Variants in CARD19 observed in about 807,000 individuals in gnomAD.
CARD19 encodes the protein caspase recruitment domain-containing protein 19.
Under a neutral mutation model 24.1 loss-of-function variants are expected in CARD19, and 25 were observed. The ratio of observed to expected loss-of-function variants is 1.04; its 90% CI spans 0.76 to 1.45. The LOEUF (loss-of-function observed/expected upper bound fraction) is 1.45, where lower values mean the gene tolerates loss of function less well. Among genes scored for constraint, CARD19 ranks in the 40% most tolerant of loss-of-function variants. CARD19 has a pLI of 0.00. For missense variants in CARD19, 241 were observed against 247.4 expected (o/e 0.97, Z 0.17); for synonymous variants, 103 against 104.9 (o/e 0.98, Z 0.11).
At chr9:93,101,644 T>C (rs1317978384) in intron 1 of CARD19, among the ~76,000 whole-genome samples, 1 of 151,260 alleles carries the variant, frequency 6.6e-6, no homozygotes, top group Non-Finnish European at 1.5e-5. Flanking sequence ...TTCACCATGT[T>C]AGTCAGGATG....
In CARD19 at chr9:93,107,672, A is replaced by C; in HGVS notation, c.8-2A>C. On this transcript the variant is annotated splice_acceptor_variant, in intron 1 of 5. Coordinates refer to ENST00000375464, the MANE Select transcript of CARD19 (RefSeq NM_032310.5). LOFTEE classifies it high-confidence loss of function. ...CTCATGACCCTGTGCTATCTGTTTT[A>C]GATCAGACCTATTGTGACCGCCTGG... 2 of 1,614,190 alleles carry C rather than the reference A, an allele frequency of 1.2e-6. No homozygotes were observed. Among genetic ancestry groups the C allele is most frequent in the Non-Finnish European group, 1.7e-6 (2 of 1,180,036 alleles).
rs939129559 is a variant in CARD19, at chr9:93,098,075, C to T, written c.7+1723C>T. 2.0e-5 allele frequency among the ~76,000 whole-genome samples: 3 copies of T among 152,242 alleles called. No homozygotes were observed. The East Asian group carries it at 5.8e-4, about 29-fold the overall frequency. ...CGCATGTGAGCCAGTGCCTGCAGAACGCTGAGGAGGTGTCTGCGTGGGGCA... is the reference window on the plus strand; with the variant it reads ...CGCATGTGAGCCAGTGCCTGCAGAATGCTGAGGAGGTGTCTGCGTGGGGCA... On this transcript the variant is annotated intron_variant, in intron 1 of 5. Transcript: ENST00000375464.
At position 93,096,231 on chromosome 9, in the gene CARD19, G is replaced by A. The variant is rs1270072744; in HGVS notation, c.-115G>A. 3.6e-6 allele frequency: 4 copies of A among 1,118,958 alleles called. No individual in the cohort carries two copies. The African/African-American group carries it at 4.9e-5, about 14-fold the overall frequency. 69.3% of individuals were successfully genotyped at this position (1,118,958 alleles called of 1,614,324 possible). A position where few individuals can be genotyped will look rare whatever the true frequency, so the allele number is the denominator to read the frequency against. On this transcript the variant is annotated 5_prime_UTR_variant, in exon 1 of 6. Coordinates refer to ENST00000375464, the MANE Select transcript of CARD19 (RefSeq NM_032310.5). The surrounding 1 kb of genome is among the most constrained non-coding windows in gnomAD (Gnocchi z 5.4). Reference sequence around the variant, plus strand: ...GCTGGCCTAGCCAAAAGGGGCGGGCGAGCACGGCCCGCGGGCGGCGTTCGC... The same window carrying A: ...GCTGGCCTAGCCAAAAGGGGCGGGCAAGCACGGCCCGCGGGCGGCGTTCGC...
Position 93,111,948 on chromosome 9 carries a change from C to A in CARD19, c.364+10C>A. On this transcript the variant is annotated intron_variant, in intron 4 of 5. Transcript: ENST00000375464. ...GAGCTGAGTAACAGGGGTAACACCT[C>A]CCTGCTGCCCCTCCCTCTCTCTCCC... The A allele has an allele frequency of 6.2e-7, 1 of 1,608,536 alleles. No individual in the cohort carries two copies. Among genetic ancestry groups the A allele is most frequent in the Non-Finnish European group, 8.5e-7 (1 of 1,178,384 alleles).
At position 93,113,127 on chromosome 9, in the gene CARD19, C is replaced by T. The variant is rs560244038; in HGVS notation, c.*20C>T. The T allele has an allele frequency of 2.7e-6, 4 of 1,497,862 alleles. No homozygotes were observed. The African/African-American group carries it at 5.6e-5, about 21-fold the overall frequency. 92.8% of individuals were successfully genotyped at this position (1,497,862 alleles called of 1,614,324 possible). On this transcript the variant is annotated 3_prime_UTR_variant, in exon 6 of 6. Coordinates refer to ENST00000375464, the MANE Select transcript of CARD19 (RefSeq NM_032310.5). ...CTCTGACAGACCCTGGACCCAGGGC[C>T]TCACCTGCCACTCAACCAAAGAGTC...
chr9:93,112,885 ACCCTGTC>A, intron 5 of CARD19, 100 bp from the exon 6 acceptor site: 1 of 684,464 alleles, frequency 1.5e-6, no homozygotes, highest in Non-Finnish European at 2.5e-6. Flanking sequence ...GGGAGGGAGC[ACCCTGTC>A]CCAGTGCCTG....
chr9:93,107,288 G>A (rs1250674411), intron 1 of CARD19, among the ~76,000 whole-genome samples: 1 of 152,224 alleles, frequency 6.6e-6, no homozygotes, highest in Non-Finnish European at 1.5e-5. Flanking sequence ...GAGCCACCGT[G>A]CCTGGCCCTG....
At chr9:93,098,438 G>C (rs1397489107) in intron 1 of CARD19, among the ~76,000 whole-genome samples, 3 of 152,218 alleles carry the variant, frequency 2.0e-5, no homozygotes, top group Non-Finnish European at 1.5e-5. Flanking sequence ...GGGCTGATAA[G>C]AAGGTTCATA....
intron 3 of CARD19, chr9:93,110,975 C>A (rs1206250836): frequency 1.3e-6 from 2 of 1,513,466 alleles, no homozygotes; most frequent in Non-Finnish European, 1.8e-6. Flanking sequence ...TCTCTCATGG[C>A]AGTTTTCACA....
At position 93,111,394 on chromosome 9, in the gene CARD19, T is replaced by C. The variant is rs1172609145; in HGVS notation, c.305-485T>C. The C allele has an allele frequency of 3.3e-5, 36 of 1,092,092 alleles. 1 individual carries two copies. The Admixed American group carries it at 1.5e-3, about 45-fold the overall frequency. 67.7% of individuals were successfully genotyped at this position (1,092,092 alleles called of 1,614,324 possible). A position where few individuals can be genotyped will look rare whatever the true frequency, so the allele number is the denominator to read the frequency against. On this transcript the variant is annotated intron_variant, in intron 3 of 5. Coordinates refer to ENST00000375464, the MANE Select transcript of CARD19 (RefSeq NM_032310.5). Reference sequence around the variant, plus strand: ...TGCTCAGGGCCCCTGGAGGAGGGGCTACTGCCCCTTGGCCCTTAGACAACA... The same window carrying C: ...TGCTCAGGGCCCCTGGAGGAGGGGCCACTGCCCCTTGGCCCTTAGACAACA...
chr9:93,102,097 G>T (rs1827106362), intron 1 of CARD19, among the ~76,000 whole-genome samples: 2 of 152,026 alleles, frequency 1.3e-5, no homozygotes, highest in Non-Finnish European at 2.9e-5. Context: ...AAGTAGTTGG[G>T]ATTACAGGCA....
In CARD19 at chr9:93,113,131, C is replaced by G. The variant is rs1271963480; in HGVS notation, c.*24C>G. The G allele has an allele frequency of 2.0e-6, 3 of 1,486,992 alleles. No homozygotes were observed. Among genetic ancestry groups the G allele is most frequent in the Admixed American group, 2.1e-5 (1 of 48,140 alleles). 92.1% of individuals were successfully genotyped at this position (1,486,992 alleles called of 1,614,324 possible). On this transcript the variant is annotated 3_prime_UTR_variant, in exon 6 of 6. Transcript: ENST00000375464. ...GACAGACCCTGGACCCAGGGCCTCA[C>G]CTGCCACTCAACCAAAGAGTCCTCG...
rs1826875000 is a variant in CARD19, at chr9:93,096,673, C to T, written c.7+321C>T. 6.6e-6 allele frequency among the ~76,000 whole-genome samples: 1 copy of T among 152,204 alleles called. No individual in the cohort carries two copies. Among genetic ancestry groups the T allele is most frequent in the South Asian group, 2.1e-4 (1 of 4,834 alleles). On this transcript the variant is annotated intron_variant, in intron 1 of 5. Transcript: ENST00000375464. The surrounding 1 kb of genome is among the most constrained non-coding windows in gnomAD (Gnocchi z 5.4). ...TGCACAGCCGCGGTCTGGGCTCAGC[C>T]ACTGCCAATGTGTGTGTGTCCCGTG...
chr9:93,102,051 T>C (rs1037121851), intron 1 of CARD19, among the ~76,000 whole-genome samples: 6 of 150,752 alleles, frequency 4.0e-5, no homozygotes, highest in African/African-American at 1.2e-4. Flanking sequence ...AACTTCCACC[T>C]CCTGGGTTCA....
chr9:93,098,630 C>G (rs1775657387), intron 1 of CARD19, among the ~76,000 whole-genome samples: 1 of 152,220 alleles, frequency 6.6e-6, no homozygotes, highest in South Asian at 2.1e-4. Context: ...CCTTCTTGTG[C>G]CTTTTCTGGC....
chr9:93,109,542 G>T (rs563327893), intron 2 of CARD19, among the ~76,000 whole-genome samples: 1 of 150,822 alleles, frequency 6.6e-6, no homozygotes, highest in African/African-American at 2.4e-5. Flanking sequence ...TCTCGGCTCA[G>T]TGCAACCTCT....
At chr9:93,109,429 A>G (rs1162352540) in intron 2 of CARD19, among the ~76,000 whole-genome samples, 1 of 150,886 alleles carries the variant, frequency 6.6e-6, no homozygotes, top group Non-Finnish European at 1.5e-5. Flanking sequence ...TGAGAACCAC[A>G]CATTTCTCTG....
Position 93,111,753 on chromosome 9 carries a change from G to C in CARD19, c.305-126G>C, listed in dbSNP as rs1411554382. 35 of 1,497,894 alleles carry C rather than the reference G, an allele frequency of 2.3e-5. No homozygotes were observed. In the South Asian group the frequency reaches 4.3e-4, roughly 18 times the overall value. The allele number at this position is 1,497,894 out of a possible 1,614,324, so 92.8% of individuals were successfully genotyped here. On this transcript the variant is annotated intron_variant, in intron 3 of 5. Coordinates refer to ENST00000375464, the MANE Select transcript of CARD19 (RefSeq NM_032310.5). The stretch of plus-strand genomic sequence containing the variant: ...GTTCCCTGAGGAGGGCTAGCCTCAG[G>C]TGCCACAGCCTGGTTCGGCCTGGCG...
rs757413654 is a variant in CARD19 at position 93,107,673 on chromosome 9, G to A, written c.8-1G>A. 6.2e-6 allele frequency: 10 copies of A among 1,614,104 alleles called. No homozygotes were observed. The highest frequency in any genetic ancestry group is 7.6e-6 in the Non-Finnish European group (9 of 1,180,044). On this transcript the variant is annotated splice_acceptor_variant, in intron 1 of 5. Coordinates refer to ENST00000375464, the MANE Select transcript of CARD19 (RefSeq NM_032310.5). LOFTEE classifies it high-confidence loss of function. ...TCATGACCCTGTGCTATCTGTTTTAGATCAGACCTATTGTGACCGCCTGGT... is the reference window on the plus strand; with the variant it reads ...TCATGACCCTGTGCTATCTGTTTTAAATCAGACCTATTGTGACCGCCTGGT...
Sources: allele counts gnomAD v4.1 joint callset (sites outside exome capture counted in the v4.1 genomes callset), GRCh38; gene constraint gnomAD v4.1.1; non-coding constraint Gnocchi (gnomAD v3.1); transcripts MANE v1.5; gene names NCBI Gene and HGNC (gene_info 2026-07-23, HGNC 2026-07-21).